CDH12: variants seen among roughly 807,000 people sequenced by gnomAD.
CDH12 encodes cadherin-12.
A neutral mutation model predicts 74.1 loss-of-function variants in CDH12; 41 were observed. The observed-to-expected ratio is 0.55, with a 90% CI of 0.43 to 0.72. The LOEUF is 0.72. Among genes scored for constraint, CDH12 ranks in the 30% least tolerant of loss-of-function variants. The pLI is 0.00. For missense variants in CDH12, 945 were observed against 977.2 expected, an observed-to-expected ratio of 0.97 and a Z score of 0.44; for synonymous variants, 399 against 355.0, an observed-to-expected ratio of 1.12 and a Z score of -1.39.
chr5:21,816,649 A>AAAAAAAAAAAAAC (rs1561209107), intron 9 of CDH12, among the ~76,000 whole-genome samples: 1 of 145,178 alleles, frequency 6.9e-6, no homozygotes, highest in African/African-American at 2.5e-5. Flanking sequence ...AAAAAAAAAA[A>AAAAAAAAAAAAAC]AAAAGAATAG....
intron 1 of CDH12, among the ~76,000 whole-genome samples, chr5:22,809,301 G>A (rs1748999364): frequency 6.6e-6 from 1 of 151,890 alleles, no homozygotes; most frequent in South Asian, 2.1e-4. Context: ...TTATGTGGTA[G>A]CAGACAAAAG....
intron 6 of CDH12, among the ~76,000 whole-genome samples, chr5:21,861,103 C>T (rs1304155286): frequency 2.0e-5 from 3 of 151,876 alleles, no homozygotes; most frequent in African/African-American, 4.8e-5. Flanking sequence ...ACCTTCACTG[C>T]GGATCAAAAA....
chr5:22,830,852 T>C (rs991789131), intron 1 of CDH12, among the ~76,000 whole-genome samples: 1 of 151,644 alleles, frequency 6.6e-6, no homozygotes, highest in Non-Finnish European at 1.5e-5. Context: ...ATTTTCTGAA[T>C]CATTATTACA....
intron 2 of CDH12, among the ~76,000 whole-genome samples, chr5:22,479,250 T>G (rs185928254): frequency 5.3e-5 from 8 of 152,356 alleles, no homozygotes; most frequent in Admixed American, 5.2e-4. Context: ...GTCTCTTTCA[T>G]TTTTGCATTC....
chr5:22,105,697 AAAAATAAAAT>A (rs561684972), intron 4 of CDH12, among the ~76,000 whole-genome samples: 7 of 151,036 alleles, frequency 4.6e-5, no homozygotes, highest in Non-Finnish European at 8.8e-5. Flanking sequence ...TATTCTGTTA[AAAAATAAAAT>A]AAAATAAAAT....
At chr5:21,833,273 T>TTATATGTTATATAACATATAATA (rs1749278360) in intron 8 of CDH12, among the ~76,000 whole-genome samples, 3 of 51,486 alleles carry the variant, frequency 5.8e-5, no homozygotes, top group Non-Finnish European at 5.5e-5. Context: ...ATAATATATA[T>TTATATGTTATATAACATATAATA]TATATGTTAT....
chr5:22,356,700 T>C (rs1332354088), intron 3 of CDH12, among the ~76,000 whole-genome samples: 2 of 152,134 alleles, frequency 1.3e-5, no homozygotes, highest in African/African-American at 2.4e-5. Flanking sequence ...ACTCCAAGTA[T>C]ATCTTCAATC....
rs185720405 is a variant in CDH12 at position 22,528,444 on chromosome 5, G to T, written c.-522-23080C>A. On this transcript the variant is annotated intron_variant, in intron 1 of 14. Transcript: ENST00000382254. The stretch of plus-strand genomic sequence containing the variant: ...AATGAATACCCTCCTTTTAACATTA[G>T]ACAGCCTGTGAGTCTGAGAGCTCAA... 5.3e-5 allele frequency among the ~76,000 whole-genome samples: 8 copies of T among 152,206 alleles called. 1 individual carries two copies. In the South Asian group the frequency reaches 1.5e-3, roughly 28 times the overall value.
intron 1 of CDH12, among the ~76,000 whole-genome samples, chr5:22,829,218 C>G (rs941659159): frequency 4.6e-5 from 7 of 152,096 alleles, no homozygotes; most frequent in African/African-American, 1.7e-4. Flanking sequence ...ATGTTTCTGT[C>G]TTATACTAAC....
chr5:22,106,986 G>A (rs1305648134), intron 4 of CDH12, among the ~76,000 whole-genome samples: 1 of 152,104 alleles, frequency 6.6e-6, no homozygotes, highest in Non-Finnish European at 1.5e-5. Flanking sequence ...AGGTGTTTTT[G>A]TTCATTTCCC....
At chr5:22,315,119 C>T (rs1249227329) in intron 3 of CDH12, among the ~76,000 whole-genome samples, 140 of 22,980 alleles carry the variant, frequency 6.1e-3, no homozygotes, top group South Asian at 0.021. Flanking sequence ...GCCTGCCTGG[C>T]TTTTTTTTTT....
At chr5:21,893,790 T>C (rs1407954203) in intron 6 of CDH12, among the ~76,000 whole-genome samples, 2 of 152,138 alleles carry the variant, frequency 1.3e-5, no homozygotes. Flanking sequence ...AGTAGAGTTA[T>C]AAAGAAACAA....
chr5:22,743,284 A>ACATG (rs1745126511), intron 1 of CDH12, among the ~76,000 whole-genome samples: 1 of 143,122 alleles, frequency 7.0e-6, no homozygotes, highest in South Asian at 2.2e-4. Context: ...ATATATATGT[A>ACATG]TATATATGTA....
At chr5:22,486,839 A>G (rs1580698215) in intron 2 of CDH12, among the ~76,000 whole-genome samples, 2 of 152,204 alleles carry the variant, frequency 1.3e-5, no homozygotes, top group African/African-American at 4.8e-5. Context: ...GGTAATTATG[A>G]TGATACATAA....
Position 21,872,463 on chromosome 5 carries a change from T to C in CDH12, c.527-17673A>G, listed in dbSNP as rs940720119. Among the ~76,000 whole-genome samples the C allele has an allele frequency of 3.3e-5, 5 of 152,346 alleles. No individual in the cohort carries two copies. In the East Asian group the frequency reaches 5.8e-4, roughly 18 times the overall value. ...GTGACACACATTGAACTCCAACTTA[T>C]GGTGTTGCCTTCTTTATACCTAATG... On this transcript the variant is annotated intron_variant, in intron 6 of 14. Transcript: ENST00000382254.
intron 2 of CDH12, among the ~76,000 whole-genome samples, chr5:22,503,816 T>TAA (rs1736275334): frequency 1.3e-5 from 2 of 152,054 alleles, no homozygotes; most frequent in Admixed American, 1.3e-4. Flanking sequence ...AATGCTCTGT[T>TAA]ATGCTTTAAA....
chr5:22,194,043 T>C (rs937532289), intron 4 of CDH12, among the ~76,000 whole-genome samples: 3 of 152,192 alleles, frequency 2.0e-5, no homozygotes, highest in Non-Finnish European at 2.9e-5. Context: ...GAGGCTTCTA[T>C]GTTCAAAACC....
At chr5:21,917,394 T>C (rs2150068960) in intron 6 of CDH12, among the ~76,000 whole-genome samples, 1 of 152,314 alleles carries the variant, frequency 6.6e-6, no homozygotes, top group South Asian at 2.1e-4. Flanking sequence ...ACAGTTTTAT[T>C]TGCAAGCTAC....
chr5:21,790,437 T>C (rs1357495765), intron 10 of CDH12, among the ~76,000 whole-genome samples: 1 of 152,078 alleles, frequency 6.6e-6, no homozygotes, highest in Admixed American at 6.6e-5. Context: ...GAAGTAGAAT[T>C]TGCAATACAT....
Sources: gnomAD v4.1 joint callset for allele counts (sites outside exome capture counted in the v4.1 genomes callset) on GRCh38, gnomAD v4.1.1 for gene constraint, MANE v1.5 for transcripts, NCBI Gene and HGNC (gene_info 2026-07-23, HGNC 2026-07-21) for gene names.